Variants in TAF1A observed in about 807,000 individuals in gnomAD.
TAF1A encodes the protein TATA box-binding protein-associated factor RNA polymerase I subunit A.
TAF1A carries 42 observed loss-of-function variants against 61.6 expected under a neutral mutation model. The ratio of observed to expected loss-of-function variants is 0.68; its 90% confidence interval spans 0.53 to 0.88. The LOEUF (loss-of-function observed/expected upper bound fraction) is 0.88, where lower values mean the gene tolerates loss of function less well. TAF1A is among the 40% of genes least tolerant of loss of function. The probability of loss-of-function intolerance (pLI) is 0.00; values close to 1 mark genes in which losing one functional copy is unlikely to be tolerated. For missense variants in TAF1A, 424 were observed against 518.7 expected (o/e 0.82, Z 1.77); for synonymous variants, 179 against 177.7 (o/e 1.01, Z -0.06).
At chr1:222,575,970 T>A (rs886765283) in intron 5 of TAF1A, among the ~76,000 whole-genome samples, 3 of 152,124 alleles carry the variant, frequency 2.0e-5, no homozygotes, top group Admixed American at 6.5e-5. Context: ...TGAGTAAGTT[T>A]TGAAAAAGAA....
At chr1:222,586,634 G>C (rs1054016393) in intron 2 of TAF1A, among the ~76,000 whole-genome samples, 3 of 152,122 alleles carry the variant, frequency 2.0e-5, no homozygotes, top group Admixed American at 2.0e-4. Context: ...CAAAGAATCT[G>C]GAAACTTATC....
chr1:222,569,093 G>T, intron 7 of TAF1A: 1 of 273,900 alleles, frequency 3.7e-6, no homozygotes, highest in Non-Finnish European at 6.3e-6. Flanking sequence ...GGGACAGACA[G>T]GCTGCAAAGG....
At chr1:222,568,282 C>A (rs970699394) in intron 7 of TAF1A, among the ~76,000 whole-genome samples, 1 of 149,840 alleles carries the variant, frequency 6.7e-6, no homozygotes, top group African/African-American at 2.5e-5. Context: ...ACAAACTGAA[C>A]ATCAAAACTA....
At chr1:222,557,820 C>A (rs1377097984), downstream of TAF1A, 1 of 151,902 alleles carries the variant, frequency 6.6e-6, no homozygotes, top group Admixed American at 6.6e-5. Flanking sequence ...AAAGGTCTCT[C>A]TCTAGCAGGA....
chr1:222,574,884 G>A (rs1022454634), intron 5 of TAF1A, among the ~76,000 whole-genome samples: 2 of 152,240 alleles, frequency 1.3e-5, no homozygotes, highest in African/African-American at 2.4e-5. Context: ...GAGAATGGGA[G>A]GAAATGCAGT....
Position 222,577,628 on chromosome 1 carries a change from C to T in TAF1A, c.421G>A (p.Ala141Thr). The change falls in exon 5 of 11, where the codon GCA (alanine) becomes ACA (threonine). Residue 141 changes from alanine (A) to threonine (T), a missense_variant. Physicochemically the swap from Ala to Thr is moderately conservative, Grantham distance 58 (BLOSUM62 0). Transcript: ENST00000352967. Reference sequence around the variant, plus strand: ...ATTCCATGATGCAGAAGGTATAATGCATGTTGTAAGGAGATCTGCAAAAAT... The same window carrying T: ...ATTCCATGATGCAGAAGGTATAATGTATGTTGTAAGGAGATCTGCAAAAAT... Reference protein sequence around the residue: ...MNYLKISLQHALYLLHHGMLK... With the variant: ...MNYLKISLQHTLYLLHHGMLK... 1 of 1,613,754 alleles carries T rather than the reference C, an allele frequency of 6.2e-7. No individual in the cohort carries two copies. The highest frequency in any genetic ancestry group is 8.5e-7 in the Non-Finnish European group (1 of 1,179,814).
intron 8 of TAF1A, among the ~76,000 whole-genome samples, chr1:222,563,753 G>A (rs1355924666): frequency 6.6e-6 from 1 of 152,152 alleles, no homozygotes; most frequent in Non-Finnish European, 1.5e-5. Context: ...ATATAAAATC[G>A]AGCCATTTCT....
At chr1:222,586,693 C>T (rs553126366) in intron 2 of TAF1A, among the ~76,000 whole-genome samples, 14 of 152,188 alleles carry the variant, frequency 9.2e-5, no homozygotes, top group Non-Finnish European at 1.5e-4. Flanking sequence ...CAAGCACTAT[C>T]GCAGGTACTC....
At chr1:222,575,084 T>C (rs1203301646) in intron 5 of TAF1A, among the ~76,000 whole-genome samples, 1 of 152,172 alleles carries the variant, frequency 6.6e-6, no homozygotes, top group African/African-American at 2.4e-5. Context: ...CTTTCAAAAA[T>C]AGCTATTAGA....
intron 4 of TAF1A, among the ~76,000 whole-genome samples, chr1:222,578,428 C>T (rs970004255): frequency 3.3e-5 from 5 of 152,170 alleles, no homozygotes; most frequent in African/African-American, 1.2e-4. Context: ...CCACTGACTA[C>T]AGAATTAAAA....
intron 8 of TAF1A, among the ~76,000 whole-genome samples, chr1:222,563,505 T>G (rs894249379): frequency 6.6e-6 from 1 of 152,210 alleles, no homozygotes; most frequent in Admixed American, 6.5e-5. Context: ...TAAAAATCCC[T>G]GCTAATGAGG....
chr1:222,569,671 A>G lies in TAF1A; in HGVS notation c.736-3T>C, dbSNP rs148553032. The G allele has an allele frequency of 3.3e-3, 5,319 of 1,606,404 alleles. 22 individuals carry two copies. Among genetic ancestry groups the G allele is most frequent in the South Asian group, 4.0e-3 (360 of 89,232 alleles). ...CGATCCCCATAGAATTCCAGCATCT[A>G]TATAAAATAAATCATAATATCTTAG... On this transcript the variant is annotated splice_region_variant and splice_polypyrimidine_tract_variant and intron_variant, in intron 6 of 10. Transcript: ENST00000352967.
intron 5 of TAF1A, among the ~76,000 whole-genome samples, chr1:222,571,029 T>C (rs566803224): frequency 1.3e-5 from 2 of 152,252 alleles, no homozygotes; most frequent in East Asian, 3.9e-4. Flanking sequence ...GTCGGATCTA[T>C]ACTAGGAATG....
chr1:222,558,865 A>G (rs897926863), intron 10 of TAF1A, 93 bp from the exon 11 acceptor site: 3 of 511,254 alleles, frequency 5.9e-6, no homozygotes, highest in Non-Finnish European at 6.9e-6. Context: ...AGTTTAGCAC[A>G]CTAATGATTA....
intron 3 of TAF1A, among the ~76,000 whole-genome samples, chr1:222,580,753 A>T (rs1660752944): frequency 6.8e-6 from 1 of 147,418 alleles, no homozygotes; most frequent in East Asian, 2.0e-4. Flanking sequence ...GGGTAAATGC[A>T]GGGGGGGAAG....
In TAF1A at chr1:222,558,745, T is replaced by C; in HGVS notation, c.1268A>G (p.Lys423Arg). The C allele has an allele frequency of 6.5e-7, 1 of 1,547,856 alleles. No homozygotes were observed. The highest frequency in any genetic ancestry group is 8.7e-7 in the Non-Finnish European group (1 of 1,142,870). The change falls in exon 11 of 11, where the codon AAG becomes AGG. Residue 423 changes from lysine to arginine, a missense_variant. Transcript: ENST00000352967. Reference sequence around the variant, plus strand: ...CTTCCCTAAGATTTGGTGATCTTGCTTTAAAATATACCGGAAATATCTACA... The same window carrying C: ...CTTCCCTAAGATTTGGTGATCTTGCCTTAAAATATACCGGAAATATCTACA... Reference protein sequence around the residue: ...KGCRYFRYILKQDHQILGKKI... With the variant: ...KGCRYFRYILRQDHQILGKKI...
chr1:222,576,324 T>C (rs978528099), intron 5 of TAF1A, among the ~76,000 whole-genome samples: 1 of 152,132 alleles, frequency 6.6e-6, no homozygotes, highest in Non-Finnish European at 1.5e-5. Flanking sequence ...GAATCGAAAT[T>C]AGTGAAACTA....
At chr1:222,554,381 C>T (rs1430703895), downstream of TAF1A, among the ~76,000 whole-genome samples, 2 of 152,112 alleles carry the variant, frequency 1.3e-5, no homozygotes, top group African/African-American at 2.4e-5. Context: ...GGGACTGAGT[C>T]GACTCTTACC....
intron 4 of TAF1A, among the ~76,000 whole-genome samples, chr1:222,578,831 GT>G (rs1660674719): frequency 6.6e-6 from 1 of 152,118 alleles, no homozygotes; most frequent in Non-Finnish European, 1.5e-5. Context: ...GGCAATAAGT[GT>G]TTTTAAAATT....
Sources: gnomAD v4.1 joint callset for allele counts (sites outside exome capture counted in the v4.1 genomes callset) on GRCh38, gnomAD v4.1.1 for gene constraint, MANE v1.5 for transcripts, NCBI Gene and HGNC (gene_info 2026-07-23, HGNC 2026-07-21) for gene names.